The following LRRC4C variants were observed in gnomAD, a reference collection of about 807,000 sequenced individuals.
The protein encoded by LRRC4C is leucine-rich repeat-containing protein 4C.
Under a neutral mutation model 33.6 loss-of-function variants are expected in LRRC4C, and 5 were observed. That is an observed-to-expected ratio of 0.15 (90% confidence interval 0.08 to 0.31). The LOEUF is 0.31. Ranked by LOEUF, LRRC4C falls within the 10% of genes least tolerant of loss-of-function variation. LRRC4C has a pLI of 1.00. For synonymous variants in LRRC4C, 329 were observed against 302.0 expected (o/e 1.09, Z -0.93); for missense variants, 560 against 796.7 (o/e 0.70, Z 3.58).
At chr11:41,138,516 C>A (rs1943362907) in intron 1 of LRRC4C, among the ~76,000 whole-genome samples, 1 of 152,084 alleles carries the variant, frequency 6.6e-6, no homozygotes, top group African/African-American at 2.4e-5. Context: ...GAAACTACAT[C>A]ATTTGGTATA....
chr11:41,315,056 G>C (rs1950747306), intron 1 of LRRC4C, among the ~76,000 whole-genome samples: 1 of 152,024 alleles, frequency 6.6e-6, no homozygotes, highest in Non-Finnish European at 1.5e-5. Flanking sequence ...TATTCTACAA[G>C]TTATGAGGAA....
At chr11:40,809,537 G>T (rs908698203) in intron 2 of LRRC4C, among the ~76,000 whole-genome samples, 1 of 151,626 alleles carries the variant, frequency 6.6e-6, no homozygotes, top group Admixed American at 6.6e-5. Flanking sequence ...TTTTTCTATA[G>T]AACTTTTTGC....
intron 5 of LRRC4C, among the ~76,000 whole-genome samples, chr11:40,187,451 T>G (rs1861495022): frequency 6.6e-6 from 1 of 151,934 alleles, no homozygotes; most frequent in Non-Finnish European, 1.5e-5. Flanking sequence ...CCTGTTGCAA[T>G]TCCTTATCAG....
At chr11:40,926,273 T>C (rs1169872371) in intron 2 of LRRC4C, among the ~76,000 whole-genome samples, 1 of 152,172 alleles carries the variant, frequency 6.6e-6, no homozygotes, top group African/African-American at 2.4e-5. Context: ...GTGCTCCATG[T>C]TGTACATGAT....
At chr11:40,865,589 CA>C (rs1333066889) in intron 2 of LRRC4C, among the ~76,000 whole-genome samples, 1 of 150,266 alleles carries the variant, frequency 6.7e-6, no homozygotes, top group Non-Finnish European at 1.5e-5. Flanking sequence ...CTCTCAGTTT[CA>C]AAAATAAATA....
intron 1 of LRRC4C, among the ~76,000 whole-genome samples, chr11:40,965,636 C>T (rs12808200): frequency 0.076 from 11,506 of 152,096 alleles, 894 homozygotes; most frequent in East Asian, 0.3. Context: ...ATCCTTTCCC[C>T]ATTGCTTGTT....
At chr11:40,290,032 T>C (rs1944086020) in intron 4 of LRRC4C, among the ~76,000 whole-genome samples, 1 of 151,874 alleles carries the variant, frequency 6.6e-6, no homozygotes, top group South Asian at 2.1e-4. Context: ...AATTTTGATG[T>C]CAACAAAAGA....
intron 1 of LRRC4C, among the ~76,000 whole-genome samples, chr11:41,043,809 C>A (rs1445505823): frequency 6.6e-6 from 1 of 151,766 alleles, no homozygotes; most frequent in African/African-American, 2.4e-5. Context: ...AATAAATAAC[C>A]TATAACATTG....
intron 3 of LRRC4C, among the ~76,000 whole-genome samples, chr11:40,584,871 G>A (rs944064211): frequency 6.6e-6 from 1 of 151,412 alleles, no homozygotes; most frequent in African/African-American, 2.4e-5. Context: ...GGCGGAGGTT[G>A]CAGTGAGCCG....
chr11:40,303,076 C>T lies in LRRC4C; in HGVS notation c.-176+16552G>A, dbSNP rs1434892706. ...AACGGTAAAGGAACATCACTGAGGG[C>T]TAATAAGAAGTGACATGATAAGTTT... On this transcript the variant is annotated intron_variant, in intron 4 of 6. Coordinates refer to ENST00000528697, the MANE Select transcript of LRRC4C (RefSeq NM_001258419.2). Among the ~76,000 whole-genome samples, 5 of 151,848 alleles carry T rather than the reference C, an allele frequency of 3.3e-5. No homozygotes were observed. The East Asian group carries it at 9.7e-4, about 29-fold the overall frequency.
intron 3 of LRRC4C, among the ~76,000 whole-genome samples, chr11:40,373,358 A>G (rs1466148532): frequency 6.6e-6 from 1 of 152,204 alleles, no homozygotes; most frequent in Non-Finnish European, 1.5e-5. Context: ...TTTATAAAAA[A>G]TATCATAAAG....
intron 1 of LRRC4C, among the ~76,000 whole-genome samples, chr11:41,378,186 G>C (rs1953010936): frequency 6.6e-6 from 1 of 152,038 alleles, no homozygotes; most frequent in Non-Finnish European, 1.5e-5. Flanking sequence ...TAGGGCAAGG[G>C]GCAAAAGGCC....
chr11:40,729,179 T>C (rs1330802630), intron 2 of LRRC4C, among the ~76,000 whole-genome samples: 1 of 152,194 alleles, frequency 6.6e-6, no homozygotes, highest in Non-Finnish European at 1.5e-5. Context: ...TAAAAATGCA[T>C]GTTCAGTTGG....
chr11:40,358,952 T>C (rs1947815942), intron 3 of LRRC4C, among the ~76,000 whole-genome samples: 1 of 152,136 alleles, frequency 6.6e-6, no homozygotes, highest in African/African-American at 2.4e-5. Flanking sequence ...CTTATTCTTC[T>C]TCCCAAACAA....
chr11:41,457,109 G>A (rs564016155), intron 1 of LRRC4C, among the ~76,000 whole-genome samples: 1 of 152,070 alleles, frequency 6.6e-6, no homozygotes, highest in Non-Finnish European at 1.5e-5. Context: ...TGTTGTTGTT[G>A]TTGTTTTGTT....
At chr11:41,446,706 G>A (rs1955837812) in intron 1 of LRRC4C, among the ~76,000 whole-genome samples, 1 of 152,054 alleles carries the variant, frequency 6.6e-6, no homozygotes, top group Non-Finnish European at 1.5e-5. Context: ...AGGGGTAAAG[G>A]AACAGAATCC....
chr11:41,355,815 G>A (rs1003406736), intron 1 of LRRC4C, among the ~76,000 whole-genome samples: 1 of 151,968 alleles, frequency 6.6e-6, no homozygotes, highest in Admixed American at 6.6e-5. Flanking sequence ...AAGAATCATA[G>A]TAGAATACAT....
chr11:40,370,775 G>T (rs1948415164), intron 3 of LRRC4C, among the ~76,000 whole-genome samples: 1 of 152,134 alleles, frequency 6.6e-6, no homozygotes, highest in Admixed American at 6.5e-5. Context: ...TACTGCTCAA[G>T]AGTTTATTTT....
chr11:41,345,207 T>C (rs1309634838), intron 1 of LRRC4C, among the ~76,000 whole-genome samples: 2 of 152,138 alleles, frequency 1.3e-5, no homozygotes, highest in East Asian at 1.9e-4. Flanking sequence ...GAGAGCCAAG[T>C]AGGAAATTTG....
Sources: allele counts gnomAD v4.1 joint callset (sites outside exome capture counted in the v4.1 genomes callset), GRCh38; gene constraint gnomAD v4.1.1; transcripts MANE v1.5; gene names NCBI Gene and HGNC (gene_info 2026-07-23, HGNC 2026-07-21).